The following ALCAM variants were observed in gnomAD, a reference collection of about 807,000 sequenced individuals.
The protein encoded by ALCAM is CD166 antigen.
A neutral mutation model predicts 70.9 loss-of-function variants in ALCAM; 30 were observed. The ratio of observed to expected loss-of-function variants is 0.42; its 90% CI spans 0.32 to 0.57. The LOEUF (loss-of-function observed/expected upper bound fraction) is 0.57, where lower values mean the gene tolerates loss of function less well. Ranked by LOEUF, ALCAM falls within the 20% of genes least tolerant of loss-of-function variation. The pLI, the probability that ALCAM is intolerant of heterozygous loss-of-function variation, is 0.11. For synonymous variants in ALCAM, 249 were observed against 242.5 expected (o/e 1.03, Z -0.25); for missense variants, 591 against 695.1 (o/e 0.85, Z 1.68).
chr3:105,550,860 C>A (rs1354217491), intron 12 of ALCAM, among the ~76,000 whole-genome samples: 1 of 151,584 alleles, frequency 6.6e-6, no homozygotes, highest in Non-Finnish European at 1.5e-5. Flanking sequence ...AAAAATCTGT[C>A]GATGTTGAAA....
intron 1 of ALCAM, among the ~76,000 whole-genome samples, chr3:105,400,178 T>G (rs1317626732): frequency 2.6e-5 from 4 of 152,188 alleles, no homozygotes; most frequent in African/African-American, 9.6e-5. Flanking sequence ...GAAAAGCAGA[T>G]AGCCCTTGTT....
intron 14 of ALCAM, among the ~76,000 whole-genome samples, chr3:105,564,245 C>T (rs1940694879): frequency 6.6e-6 from 1 of 152,162 alleles, no homozygotes; most frequent in Non-Finnish European, 1.5e-5. Context: ...TACAAAATCA[C>T]TTCACATGTA....
intron 1 of ALCAM, among the ~76,000 whole-genome samples, chr3:105,374,326 C>T (rs1032406356): frequency 1.3e-5 from 2 of 151,888 alleles, no homozygotes; most frequent in Non-Finnish European, 2.9e-5. Context: ...GAGGCCGAGG[C>T]GGGCGGATCA....
At chr3:105,392,748 G>T (rs1368327606) in intron 1 of ALCAM, among the ~76,000 whole-genome samples, 1 of 151,690 alleles carries the variant, frequency 6.6e-6, no homozygotes, top group African/African-American at 2.4e-5. Context: ...CACTGCTTTA[G>T]CTGTGTCCCA....
chr3:105,404,675 G>GA (rs34622350), intron 1 of ALCAM, among the ~76,000 whole-genome samples: 100,055 of 147,282 alleles, frequency 0.68, 34,029 homozygotes, highest in East Asian at 0.92. Flanking sequence ...ATAACACAAT[G>GA]AAAAAAAAAA....
intron 1 of ALCAM, among the ~76,000 whole-genome samples, chr3:105,406,115 T>A (rs1358242463): frequency 6.6e-6 from 1 of 152,192 alleles, no homozygotes. Context: ...TTTTAATCTG[T>A]AACTAAGGTC....
rs144043438 is a variant in ALCAM, at chr3:105,453,249, A to G, written c.74-66818A>G. On this transcript the variant is annotated intron_variant, in intron 1 of 15. Transcript: ENST00000306107. ...TAATCCATCTTGAGTTGATTTCTGT[A>G]TAAGGTATAAGGAAGGGTTCCAGTT... Among the ~76,000 whole-genome samples the G allele has an allele frequency of 2.5e-3, 374 of 152,278 alleles. 2 individuals carry two copies. Among genetic ancestry groups the G allele is most frequent in the African/African-American group, 8.3e-3 (343 of 41,548 alleles).
chr3:105,510,055 G>T (rs879939844), intron 1 of ALCAM, among the ~76,000 whole-genome samples: 36 of 151,982 alleles, frequency 2.4e-4, no homozygotes, highest in Non-Finnish European at 4.4e-4. Flanking sequence ...CAGATGTTAG[G>T]ATCCTCTGAA....
intron 1 of ALCAM, among the ~76,000 whole-genome samples, chr3:105,515,818 A>T (rs1414170417): frequency 1.3e-5 from 2 of 152,092 alleles, no homozygotes. Flanking sequence ...AAATAGGAGC[A>T]TTAGCATGTC....
chr3:105,491,593 G>T (rs988232477), intron 1 of ALCAM, among the ~76,000 whole-genome samples: 1 of 152,140 alleles, frequency 6.6e-6, no homozygotes, highest in Admixed American at 6.5e-5. Context: ...ACACTTTGCT[G>T]GTTAGAAATT....
intron 1 of ALCAM, among the ~76,000 whole-genome samples, chr3:105,483,719 A>G (rs533197060): frequency 1.3e-5 from 2 of 152,250 alleles, no homozygotes; most frequent in African/African-American, 2.4e-5. Context: ...GCAGTCAGAG[A>G]AAGAGAAGGA....
At chr3:105,397,779 A>C (rs1935991117) in intron 1 of ALCAM, among the ~76,000 whole-genome samples, 2 of 152,126 alleles carry the variant, frequency 1.3e-5, no homozygotes, top group South Asian at 2.1e-4. Context: ...GAAGCTTTTA[A>C]AAAAATTGAA....
intron 1 of ALCAM, among the ~76,000 whole-genome samples, chr3:105,468,987 G>C (rs1051298100): frequency 7.2e-5 from 9 of 124,458 alleles, no homozygotes; most frequent in Non-Finnish European, 1.2e-4. Flanking sequence ...GGTTTCAAAA[G>C]AACCAGTTCT....
intron 1 of ALCAM, among the ~76,000 whole-genome samples, chr3:105,462,169 A>G (rs1209174130): frequency 2.0e-5 from 3 of 151,726 alleles, no homozygotes; most frequent in African/African-American, 4.8e-5. Context: ...TAAAATAGCA[A>G]TTTGATCAGC....
At position 105,552,472 on chromosome 3, in the gene ALCAM, A is replaced by G; in HGVS notation, c.1551A>G (p.Glu517=). 6.2e-7 allele frequency: 1 copy of G among 1,611,478 alleles called. No homozygotes were observed. Among genetic ancestry groups the G allele is most frequent in the Non-Finnish European group, 8.5e-7 (1 of 1,178,130 alleles). Residue 517 remains glutamate, a synonymous_variant, in exon 14 of 16, where the codon GAA becomes GAG. Transcript: ENST00000306107. ...EHDEADEISD[E]NREKVNDQAK... ...GACTTTTCTTCTTTGTTGCAGATGA[A>G]AACAGAGAAAAGGTGAATGACCAGG...
At chr3:105,449,537 T>C (rs1204072037) in intron 1 of ALCAM, among the ~76,000 whole-genome samples, 4 of 152,220 alleles carry the variant, frequency 2.6e-5, no homozygotes, top group African/African-American at 9.6e-5. Context: ...CACTATTTGA[T>C]TAGATGGCTT....
chr3:105,422,211 T>C (rs1006025015), intron 1 of ALCAM, among the ~76,000 whole-genome samples: 1 of 151,442 alleles, frequency 6.6e-6, no homozygotes, highest in Non-Finnish European at 1.5e-5. Flanking sequence ...ATAGTATATA[T>C]ATACCACATT....
intron 1 of ALCAM, among the ~76,000 whole-genome samples, chr3:105,512,480 A>C (rs902986175): frequency 7.9e-5 from 12 of 151,958 alleles, no homozygotes; most frequent in African/African-American, 2.4e-4. Context: ...ATTTAAGTAG[A>C]ACTGATACTC....
Position 105,461,518 on chromosome 3 carries a change from C to G in ALCAM, c.74-58549C>G, listed in dbSNP as rs143968307. ...ATAAAATTAAGTGTCAATGGATAAA[C>G]TTGTAAGTATTCTGGAAAGGGAGAG... is the stretch of plus-strand genomic sequence containing the variant. On this transcript the variant is annotated intron_variant, in intron 1 of 15. Transcript: ENST00000306107. Among the ~76,000 whole-genome samples, 588 of 151,772 alleles carry G rather than the reference C, an allele frequency of 3.9e-3. 4 individuals are homozygous for G. The highest frequency in any genetic ancestry group is 0.013 in the African/African-American group (554 of 41,460).
Sources: gnomAD v4.1 joint callset for allele counts (sites outside exome capture counted in the v4.1 genomes callset) on GRCh38, gnomAD v4.1.1 for gene constraint, MANE v1.5 for transcripts, NCBI Gene and HGNC (gene_info 2026-07-23, HGNC 2026-07-21) for gene names.